The following USP8 variants were observed in gnomAD, a reference collection of about 807,000 sequenced individuals.
The protein encoded by USP8 is ubiquitin specific peptidase 8.
In USP8, 27 loss-of-function variants were observed where a neutral mutation model predicts 130.0. The observed-to-expected ratio is 0.21, with a 90% CI of 0.15 to 0.29. The LOEUF (loss-of-function observed/expected upper bound fraction) is 0.29. Ranked by LOEUF, USP8 falls within the 10% of genes least tolerant of loss-of-function variation. USP8 has a pLI of 1.00. For synonymous variants in USP8, 392 were observed against 444.1 expected (o/e 0.88, Z 1.48); for missense variants, 1,029 against 1,312.2 (o/e 0.78, Z 3.33).
chr15:50,449,345 T>A (rs1351788052), intron 3 of USP8, 55 bp from the exon 4 acceptor site: 4 of 1,129,628 alleles, frequency 3.5e-6, no homozygotes, highest in African/African-American at 1.6e-5. Context: ...TTAACACTAG[T>A]GTCACATGCA....
Position 50,447,199 on chromosome 15 carries a change from G to A in USP8, c.250-2201G>A, listed in dbSNP as rs554135681. Among the ~76,000 whole-genome samples the A allele has an allele frequency of 2.6e-5, 4 of 152,276 alleles. No individual in the cohort carries two copies. The South Asian group carries it at 8.3e-4, about 32-fold the overall frequency. The stretch of plus-strand genomic sequence containing the variant: ...CTTCATATGCTCCAGGTTGTATTGT[G>A]CTACTGGACGCTGGTCTTATGGGAA... On this transcript the variant is annotated intron_variant, in intron 3 of 19. Coordinates refer to ENST00000307179, the MANE Select transcript of USP8 (RefSeq NM_005154.5).
At chr15:50,489,751 C>T in intron 12 of USP8, 50 bp from the exon 13 acceptor site, 1 of 1,246,752 alleles carries the variant, frequency 8.0e-7, no homozygotes, top group Non-Finnish European at 1.1e-6. Context: ...ATTGAAAAAT[C>T]AGATTTAAAA....
At chr15:50,490,637 A>C in intron 14 of USP8, 112 bp downstream of exon 14, 1 of 1,328,834 alleles carries the variant, frequency 7.5e-7, no homozygotes. Context: ...GTGGATGGCT[A>C]TACCAGCCGT....
intron 4 of USP8, among the ~76,000 whole-genome samples, chr15:50,456,622 G>A (rs911516921): frequency 1.4e-5 from 2 of 145,476 alleles, no homozygotes; most frequent in East Asian, 2.1e-4. Context: ...GTGGTGGCTC[G>A]CCCCTGTAAT....
Position 50,500,461 on chromosome 15 carries a change from T to C in USP8, c.*1373T>C. On this transcript the variant is annotated 3_prime_UTR_variant, in exon 20 of 20. Transcript: ENST00000307179. ...AGCATTGCATTATATTCACACTGCCTTTTTTAGTGAACCAAGACCCATCTT... is the reference window on the plus strand; with the variant it reads ...AGCATTGCATTATATTCACACTGCCCTTTTTAGTGAACCAAGACCCATCTT... 1 of 262,340 alleles carries C rather than the reference T, an allele frequency of 3.8e-6. No homozygotes were observed. The highest frequency in any genetic ancestry group is 7.5e-6 in the Non-Finnish European group (1 of 132,996). The allele number at this position is 262,340 out of a possible 1,614,324, so 16.3% of individuals were successfully genotyped here.
At chr15:50,441,252 G>A in intron 2 of USP8, 97 bp from the exon 3 acceptor site, 2 of 1,216,750 alleles carry the variant, frequency 1.6e-6, no homozygotes, top group Non-Finnish European at 2.2e-6. Flanking sequence ...CTGGGGTTGG[G>A]GATCCCTGAT....
At chr15:50,430,365 G>A (rs1169897185) in intron 1 of USP8, among the ~76,000 whole-genome samples, 1 of 151,914 alleles carries the variant, frequency 6.6e-6, no homozygotes, top group Admixed American at 6.6e-5. Flanking sequence ...AAAGAACTAG[G>A]GCTAGTTTAT....
rs532247918 is a variant in USP8, at chr15:50,476,863, T to C, written c.864T>C (p.Thr288=). ...KDALFKWESK[T]VLRNEPLVLE... is the part of the protein sequence containing the mutation. Reference sequence around the variant, plus strand: ...CTTATTTATAGTGGGAAAGTAAAACTGTCCTGCGCAATGAGCCTTTGGTTT... The same window carrying C: ...CTTATTTATAGTGGGAAAGTAAAACCGTCCTGCGCAATGAGCCTTTGGTTT... The change falls in exon 9 of 20, where the codon ACT becomes ACC. Residue 288 remains threonine (T), a synonymous_variant. Coordinates refer to ENST00000307179, the MANE Select transcript of USP8 (RefSeq NM_005154.5). The C allele has an allele frequency of 1.3e-6, 2 of 1,567,718 alleles. No individual in the cohort carries two copies. Among genetic ancestry groups the C allele is most frequent in the African/African-American group, 1.4e-5 (1 of 72,032 alleles).
chr15:50,492,006 C>T (rs754984628), intron 14 of USP8, among the ~76,000 whole-genome samples: 2 of 152,060 alleles, frequency 1.3e-5, no homozygotes, highest in East Asian at 3.9e-4. Context: ...GGACTATAGA[C>T]GTCCACTATC....
chr15:50,441,873 C>G lies in USP8; in HGVS notation c.249+380C>G, dbSNP rs930898292. ...GCTTTCTTAAGAGTCAAGGTTTAGT[C>G]TCTTGTTTTTATGTGACAGCTTTTT... On this transcript the variant is annotated intron_variant, in intron 3 of 19. Transcript: ENST00000307179. Among the ~76,000 whole-genome samples, 11 of 149,374 alleles carry G rather than the reference C, an allele frequency of 7.4e-5. No homozygotes were observed. In the South Asian group the frequency reaches 8.4e-4, roughly 11 times the overall value.
intron 12 of USP8, among the ~76,000 whole-genome samples, chr15:50,488,555 T>A (rs1448169233): frequency 1.3e-5 from 1 of 79,748 alleles, no homozygotes; most frequent in Admixed American, 1.5e-4. Context: ...AGGTTGGCTT[T>A]TTTTTTTTTT....
At chr15:50,486,798 C>G (rs2051976196) in intron 12 of USP8, among the ~76,000 whole-genome samples, 1 of 152,168 alleles carries the variant, frequency 6.6e-6, no homozygotes, top group Non-Finnish European at 1.5e-5. Flanking sequence ...GTATACTGCT[C>G]AGGTGATGGG....
intron 5 of USP8, among the ~76,000 whole-genome samples, chr15:50,459,508 C>T (rs1283957990): frequency 6.6e-6 from 1 of 152,026 alleles, no homozygotes; most frequent in East Asian, 1.9e-4. Flanking sequence ...TGCTTGAACC[C>T]AGGAGGCAGA....
Position 50,476,762 on chromosome 15 carries a change from G to A in USP8, c.850-87G>A, listed in dbSNP as rs1299625547. The A allele has an allele frequency of 3.6e-6, 5 of 1,397,594 alleles. No individual in the cohort carries two copies. In the African/African-American group the frequency reaches 6.0e-5, roughly 17 times the overall value. 86.6% of individuals were successfully genotyped at this position (1,397,594 alleles called of 1,614,324 possible). A position where few individuals can be genotyped will look rare whatever the true frequency, so the allele number is the denominator to read the frequency against. On this transcript the variant is annotated intron_variant, in intron 8 of 19. Transcript: ENST00000307179. The stretch of plus-strand genomic sequence containing the variant: ...TTTAGAAGATAAATTTTGTCCTTAA[G>A]GGAACAACTTTAAAATTTAGATTTG...
chr15:50,447,573 C>G (rs993350321), intron 3 of USP8, among the ~76,000 whole-genome samples: 2 of 150,172 alleles, frequency 1.3e-5, no homozygotes, highest in South Asian at 4.2e-4. Context: ...TTCTTTTTTT[C>G]CCCTCCGAGA....
chr15:50,441,583 A>G (rs796746228), intron 3 of USP8, 90 bp downstream of exon 3: 2 of 1,120,492 alleles, frequency 1.8e-6, no homozygotes, highest in Non-Finnish European at 2.5e-6. Flanking sequence ...TAATAATGAA[A>G]TGTAGCTCAA....
chr15:50,434,537 A>C (rs965258256), intron 1 of USP8, among the ~76,000 whole-genome samples: 2 of 151,910 alleles, frequency 1.3e-5, no homozygotes, highest in Non-Finnish European at 2.9e-5. Flanking sequence ...TGTTGTTAGA[A>C]GCACGTTAAT....
chr15:50,491,252 C>A (rs1401527979), intron 14 of USP8, among the ~76,000 whole-genome samples: 1 of 152,100 alleles, frequency 6.6e-6, no homozygotes, highest in Admixed American at 6.6e-5. Flanking sequence ...ATTTATTATA[C>A]ACTTGTATTT....
intron 5 of USP8, among the ~76,000 whole-genome samples, chr15:50,460,012 T>G (rs1207535535): frequency 1.5e-5 from 2 of 135,372 alleles, no homozygotes; most frequent in African/African-American, 2.7e-5. Context: ...TTTTTTTTTT[T>G]TTGAGACAGA....
Sources: allele counts gnomAD v4.1 joint callset (sites outside exome capture counted in the v4.1 genomes callset), GRCh38; gene constraint gnomAD v4.1.1; transcripts MANE v1.5; gene names NCBI Gene and HGNC (gene_info 2026-07-23, HGNC 2026-07-21).